Variants in LIMS2 observed in about 807,000 individuals in gnomAD.
LIMS2 encodes LIM and senescent cell antigen-like-containing domain protein 2.
A neutral mutation model predicts 45.3 loss-of-function variants in LIMS2; 30 were observed. The observed-to-expected ratio is 0.66, with a 90% CI of 0.50 to 0.90. The LOEUF (loss-of-function observed/expected upper bound fraction) is 0.90, where lower values mean the gene tolerates loss of function less well. Among genes scored for constraint, LIMS2 ranks in the 40% least tolerant of loss-of-function variants. LIMS2 has a pLI of 0.00. For missense variants in LIMS2, 485 were observed against 468.7 expected, an observed-to-expected ratio of 1.03 and a Z score of -0.32; for synonymous variants, 173 against 188.0, an observed-to-expected ratio of 0.92 and a Z score of 0.65.
chr2:127,654,225 G>A lies in LIMS2; in HGVS notation c.359+199C>T, dbSNP rs918659737. 3.3e-4 allele frequency among the ~76,000 whole-genome samples: 50 copies of A among 152,212 alleles called. 1 individual carries two copies. The highest frequency in any genetic ancestry group is 1.2e-3 in the African/African-American group (48 of 41,520). Reference sequence around the variant, plus strand: ...GCTCCCGAGAGGCTGCCAGGAGCTCGCTGAGCGTGGGGCCCTGTAAACTGG... The same window carrying A: ...GCTCCCGAGAGGCTGCCAGGAGCTCACTGAGCGTGGGGCCCTGTAAACTGG... On this transcript the variant is annotated intron_variant, in intron 4 of 9. Transcript: ENST00000355119.
In LIMS2 at chr2:127,675,075, T is replaced by G. The variant is rs1038970250; in HGVS notation, c.-51A>C. The G allele has an allele frequency of 8.1e-6, 10 of 1,227,482 alleles. No homozygotes were observed. Among genetic ancestry groups the G allele is most frequent in the Middle Eastern group, 2.8e-4 (1 of 3,512 alleles). 76.0% of individuals were successfully genotyped at this position (1,227,482 alleles called of 1,614,324 possible). On this transcript the variant is annotated 5_prime_UTR_variant, in exon 1 of 10. Coordinates refer to ENST00000355119, the MANE Select transcript of LIMS2 (RefSeq NM_001161403.3). ...TTGCCGGGGTTGCCGCGGGTCTCCC[T>G]CTGCTGCTGCAGCCGCCAGCCGAGC... is the stretch of plus-strand genomic sequence containing the variant.
chr2:127,647,616 C>T lies in LIMS2; in HGVS notation c.360-4544G>A, dbSNP rs1683137314. On this transcript the variant is annotated intron_variant, in intron 4 of 9. Transcript: ENST00000355119. The surrounding 1 kb of genome is among the most constrained non-coding windows in gnomAD (Gnocchi z 4.3). ...GGCACCCACCTTGGCCCCTTCCCACCCCCAGGTTCTAACAAGGGCCCCTCA... is the reference window on the plus strand; with the variant it reads ...GGCACCCACCTTGGCCCCTTCCCACTCCCAGGTTCTAACAAGGGCCCCTCA... 6.6e-6 allele frequency among the ~76,000 whole-genome samples: 1 copy of T among 152,066 alleles called. No homozygotes were observed. Among genetic ancestry groups the T allele is most frequent in the Non-Finnish European group, 1.5e-5 (1 of 67,980 alleles).
chr2:127,660,037 CTTGCTTCCCACTGAAAGGG>C (rs1237919725), intron 1 of LIMS2, among the ~76,000 whole-genome samples: 15 of 152,232 alleles, frequency 9.9e-5, no homozygotes. Flanking sequence ...CCCCAGTTAC[CTTGCTTCCCACTGAAAGGG>C]GAAGCTGGCT....
At chr2:127,660,935 G>T (rs1248109857) in intron 1 of LIMS2, among the ~76,000 whole-genome samples, 3 of 150,860 alleles carry the variant, frequency 2.0e-5, no homozygotes, top group Non-Finnish European at 4.4e-5. Flanking sequence ...GGGTGGGGGG[G>T]GCGGATGTGG....
At position 127,667,148 on chromosome 2, in the gene LIMS2, C is replaced by T. The variant is rs577743620; in HGVS notation, c.11+7866G>A. ...ACCTACAAACAAACATACAAAACAC[C>T]AGTGTGGTGGCACATGCCTATAATC... On this transcript the variant is annotated intron_variant, in intron 1 of 9. Coordinates refer to ENST00000355119, the MANE Select transcript of LIMS2 (RefSeq NM_001161403.3). This position sits in a 1 kb window ranked among gnomAD's most constrained non-coding sequence, Gnocchi z 4.1. Among the ~76,000 whole-genome samples the T allele has an allele frequency of 6.6e-6, 1 of 152,184 alleles. No homozygotes were observed. The highest frequency in any genetic ancestry group is 1.9e-4 in the East Asian group (1 of 5,168).
In LIMS2 at chr2:127,675,014, C is replaced by A. The variant is rs1056543549; in HGVS notation, c.11G>T (p.Ser4Ile). 2.4e-6 allele frequency: 3 copies of A among 1,230,116 alleles called. No homozygotes were observed. In the African/African-American group the frequency reaches 4.7e-5, roughly 19 times the overall value. The allele number at this position is 1,230,116 out of a possible 1,614,324, so 76.2% of individuals were successfully genotyped here. The change falls in exon 1 of 10, where the codon AGC becomes ATC. Residue 4 changes from serine (S) to isoleucine (I), a missense_variant and splice_region_variant. Coordinates refer to ENST00000355119, the MANE Select transcript of LIMS2 (RefSeq NM_001161403.3). MTG[S>I]NMSDALANAV... is the part of the protein sequence containing the mutation. The stretch of plus-strand genomic sequence containing the variant: ...CGGGGGCGTGGGTGGGGGCCGTTAC[C>A]TTCCCGTCATGGTGGCAGCGACGCC...
chr2:127,649,415 G>A (rs915930530), intron 4 of LIMS2, among the ~76,000 whole-genome samples: 3 of 152,236 alleles, frequency 2.0e-5, no homozygotes, highest in African/African-American at 7.2e-5. Flanking sequence ...GGCTGTGCAG[G>A]GTGGGGATGG....
At chr2:127,657,965 G>C (rs1268269623) in intron 1 of LIMS2, among the ~76,000 whole-genome samples, 2 of 152,230 alleles carry the variant, frequency 1.3e-5, no homozygotes, top group African/African-American at 4.8e-5. Flanking sequence ...AGCTCACACA[G>C]CAGAGCGGGG....
intron 1 of LIMS2, chr2:127,673,618 T>C (rs893486318): frequency 1.0e-4 from 156 of 1,519,958 alleles, no homozygotes; most frequent in Non-Finnish European, 1.3e-4. Flanking sequence ...CCCCGCACCC[T>C]TCACGGCTCT....
rs1431391127 is a variant in LIMS2, at chr2:127,671,680, C to A, written c.11+3334G>T. Among the ~76,000 whole-genome samples the A allele has an allele frequency of 4.6e-5, 7 of 152,300 alleles. No individual in the cohort carries two copies. Among genetic ancestry groups the A allele is most frequent in the African/African-American group, 1.7e-4 (7 of 41,558 alleles). On this transcript the variant is annotated intron_variant, in intron 1 of 9. Coordinates refer to ENST00000355119, the MANE Select transcript of LIMS2 (RefSeq NM_001161403.3). This position sits in a 1 kb window ranked among gnomAD's most constrained non-coding sequence, Gnocchi z 4.1. ...GGGACTGGACACCCTGCAGATCAGTCCCTCCATCCCTATTATGCCACTGGC... is the reference window on the plus strand; with the variant it reads ...GGGACTGGACACCCTGCAGATCAGTACCTCCATCCCTATTATGCCACTGGC...
chr2:127,648,293 G>T, intron 4 of LIMS2: 1 of 644,006 alleles, frequency 1.6e-6, no homozygotes, highest in Non-Finnish European at 1.9e-6. Flanking sequence ...TCAGGTAGGG[G>T]AACCTGCCTA....
In LIMS2 at chr2:127,653,665, G is replaced by A. The variant is rs1342845150; in HGVS notation, c.359+759C>T. 6.6e-6 allele frequency among the ~76,000 whole-genome samples: 1 copy of A among 152,102 alleles called. No individual in the cohort carries two copies. Among genetic ancestry groups the A allele is most frequent in the Non-Finnish European group, 1.5e-5 (1 of 68,006 alleles). Reference sequence around the variant, plus strand: ...GAACTCAGGGTCCCGGGTGCCAGAAGGGGGGCGTTTCTGCACCTCAGCAGC... The same window carrying A: ...GAACTCAGGGTCCCGGGTGCCAGAAAGGGGGCGTTTCTGCACCTCAGCAGC... On this transcript the variant is annotated intron_variant, in intron 4 of 9. Transcript: ENST00000355119. The surrounding 1 kb of genome is among the most constrained non-coding windows in gnomAD (Gnocchi z 5.3).
chr2:127,664,531 C>T lies in LIMS2; in HGVS notation c.12-6969G>A. ...GTGGGCGCCTCCCCCGCGCTGGTCGCGAGCTCACGTTACGCGCTGGGATCT... is the reference window on the plus strand; with the variant it reads ...GTGGGCGCCTCCCCCGCGCTGGTCGTGAGCTCACGTTACGCGCTGGGATCT... On this transcript the variant is annotated intron_variant, in intron 1 of 9. Transcript: ENST00000355119. This position sits in a 1 kb window ranked among gnomAD's most constrained non-coding sequence, Gnocchi z 5.5. 3 of 1,151,852 alleles carry T rather than the reference C, an allele frequency of 2.6e-6. No homozygotes were observed. The highest frequency in any genetic ancestry group is 4.2e-5 in the East Asian group (1 of 23,742). The allele number at this position is 1,151,852 out of a possible 1,614,324, so 71.4% of individuals were successfully genotyped here.
intron 1 of LIMS2, chr2:127,674,031 T>C (rs1478757714): frequency 4.9e-6 from 2 of 406,696 alleles, no homozygotes; most frequent in African/African-American, 4.5e-5. Context: ...CTATTTTTGG[T>C]TCCTGGGCTG....
intron 1 of LIMS2, among the ~76,000 whole-genome samples, chr2:127,663,587 TC>T (rs1396293397): frequency 6.6e-6 from 1 of 151,894 alleles, no homozygotes; most frequent in Non-Finnish European, 1.5e-5. Flanking sequence ...CTCCAGGCCC[TC>T]CCCTACCTCT....
chr2:127,673,554 G>A lies in LIMS2; in HGVS notation c.11+1460C>T, dbSNP rs909230318. On this transcript the variant is annotated intron_variant, in intron 1 of 9. Coordinates refer to ENST00000355119, the MANE Select transcript of LIMS2 (RefSeq NM_001161403.3). ...CCAGGGAAAGGCCCAAGGGACTCAGGGGCAAGAGGACCCTTGCCAGGGAGC... is the reference window on the plus strand; with the variant it reads ...CCAGGGAAAGGCCCAAGGGACTCAGAGGCAAGAGGACCCTTGCCAGGGAGC... 1.5e-5 allele frequency: 15 copies of A among 982,548 alleles called. No individual in the cohort carries two copies. In the African/African-American group the frequency reaches 2.1e-4, roughly 14 times the overall value. 60.9% of individuals were successfully genotyped at this position (982,548 alleles called of 1,614,324 possible).
rs1320702460 is a variant in LIMS2 at position 127,668,685 on chromosome 2, AAAAAAAAAAAAAAAAAAAAAAAAAAACAC to A, written c.11+6300_11+6328del. ...CTCCGTCTCAAAAAAAAAAAAAAAA[AAAAAAAAAAAAAAAAAAAAAAAAAAACAC>A]CTTACTTAAAAATTACAATTTACTT... is the stretch of plus-strand genomic sequence containing the variant. On this transcript the variant is annotated intron_variant, in intron 1 of 9. Transcript: ENST00000355119. Among the ~76,000 whole-genome samples, 611 of 121,534 alleles carry A rather than the reference AAAAAAAAAAAAAAAAAAAAAAAAAAACAC, an allele frequency of 5.0e-3. 9 individuals carry two copies. The highest frequency in any genetic ancestry group is 0.021 in the African/African-American group (588 of 28,626). The allele number at this position is 121,534 out of a possible 152,430, so 79.7% of individuals were successfully genotyped here.
intron 4 of LIMS2, among the ~76,000 whole-genome samples, chr2:127,645,509 C>T (rs1051425341): frequency 2.0e-5 from 3 of 152,202 alleles, no homozygotes; most frequent in Non-Finnish European, 4.4e-5. Flanking sequence ...CATGGGCTTC[C>T]GTGCAGAAGG....
Position 127,675,000 on chromosome 2 carries a change from G to T in LIMS2, c.11+14C>A. On this transcript the variant is annotated intron_variant, in intron 1 of 9. Transcript: ENST00000355119. ...CCGCCTCCCCGGCCCGGGGGCGTGG[G>T]TGGGGGCCGTTACCTTCCCGTCATG... 4 of 1,229,772 alleles carry T rather than the reference G, an allele frequency of 3.3e-6. No homozygotes were observed. The highest frequency in any genetic ancestry group is 4.1e-6 in the Non-Finnish European group (4 of 985,528). 76.2% of individuals were successfully genotyped at this position (1,229,772 alleles called of 1,614,324 possible).
Sources: allele counts gnomAD v4.1 joint callset (sites outside exome capture counted in the v4.1 genomes callset), GRCh38; gene constraint gnomAD v4.1.1; non-coding constraint Gnocchi (gnomAD v3.1); transcripts MANE v1.5; gene names NCBI Gene and HGNC (gene_info 2026-07-23, HGNC 2026-07-21).